The following MAST2 variants were observed in gnomAD, a reference collection of about 807,000 sequenced individuals.
The protein encoded by MAST2 is microtubule-associated serine/threonine-protein kinase 2.
In MAST2, 70 loss-of-function variants were observed where a neutral mutation model predicts 147.4. The ratio of observed to expected loss-of-function variants is 0.47; its 90% CI spans 0.39 to 0.58. The LOEUF is 0.58. Ranked by LOEUF, MAST2 falls within the 20% of genes least tolerant of loss-of-function variation. The pLI is 0.00. For missense variants in MAST2, 2,080 were observed against 2,302.3 expected (o/e 0.90, Z 1.98); for synonymous variants, 869 against 896.8 (o/e 0.97, Z 0.55).
At chr1:46,008,213 G>A (rs1645566955) in intron 8 of MAST2, 83 bp from the exon 9 acceptor site, 3 of 849,820 alleles carry the variant, frequency 3.5e-6, no homozygotes, top group South Asian at 2.9e-5. Flanking sequence ...ATGGTGGGAG[G>A]GGCAGGGTCT....
At chr1:45,811,528 ACGGGGT>A (rs1306664991) in intron 1 of MAST2, among the ~76,000 whole-genome samples, 1 of 148,944 alleles carries the variant, frequency 6.7e-6, no homozygotes, top group African/African-American at 2.5e-5. Flanking sequence ...TTTAGTAGAG[ACGGGGT>A]TTCACTATGT....
intron 3 of MAST2, among the ~76,000 whole-genome samples, chr1:45,851,151 T>C (rs1453389109): frequency 6.6e-6 from 1 of 152,176 alleles, no homozygotes; most frequent in Non-Finnish European, 1.5e-5. Flanking sequence ...TTAGCAGTGT[T>C]TGTAGTTCTC....
intron 3 of MAST2, among the ~76,000 whole-genome samples, chr1:45,854,903 T>C (rs1436650142): frequency 6.6e-6 from 1 of 152,136 alleles, no homozygotes; most frequent in Non-Finnish European, 1.5e-5. Flanking sequence ...CAGCTATAAA[T>C]TGGATACAGA....
At chr1:45,976,269 A>C (rs987186583) in intron 5 of MAST2, among the ~76,000 whole-genome samples, 1 of 151,702 alleles carries the variant, frequency 6.6e-6, no homozygotes, top group Non-Finnish European at 1.5e-5. Context: ...GAGCCACCAC[A>C]CCCGGGGAAA....
intron 1 of MAST2, among the ~76,000 whole-genome samples, chr1:45,813,456 A>C (rs530623505): frequency 2.8e-4 from 43 of 151,000 alleles, no homozygotes; most frequent in African/African-American, 1.0e-3. Context: ...CAGCCTCCCA[A>C]GTAACTAGGA....
At chr1:46,029,669 C>A in intron 19 of MAST2, 102 bp downstream of exon 19, 1 of 1,378,090 alleles carries the variant, frequency 7.3e-7, no homozygotes. Flanking sequence ...GGCAGCCCCT[C>A]TGGATCCTGA....
At chr1:45,922,335 TC>T (rs1230262831) in intron 4 of MAST2, among the ~76,000 whole-genome samples, 1 of 152,218 alleles carries the variant, frequency 6.6e-6, no homozygotes, top group African/African-American at 2.4e-5. Context: ...GACCAGCTTC[TC>T]TCCACCCAGG....
intron 6 of MAST2, among the ~76,000 whole-genome samples, chr1:46,001,746 C>T (rs776297024): frequency 3.9e-5 from 6 of 152,148 alleles, no homozygotes; most frequent in Non-Finnish European, 8.8e-5. Context: ...GGGAGGAGTG[C>T]TTCGAAGGGA....
chr1:46,016,047 G>A (rs1371723816), intron 10 of MAST2, among the ~76,000 whole-genome samples: 1 of 151,842 alleles, frequency 6.6e-6, no homozygotes, highest in African/African-American at 2.4e-5. Context: ...ATGTAATCCA[G>A]CATATAAACA....
At chr1:45,872,307 G>A (rs1213281711) in intron 3 of MAST2, among the ~76,000 whole-genome samples, 1 of 152,214 alleles carries the variant, frequency 6.6e-6, no homozygotes, top group Non-Finnish European at 1.5e-5. Context: ...AAAGGACAAG[G>A]ACCAGCCTTG....
chr1:45,992,029 G>A (rs767357041), intron 5 of MAST2, among the ~76,000 whole-genome samples: 2 of 152,038 alleles, frequency 1.3e-5, no homozygotes, highest in South Asian at 2.1e-4. Flanking sequence ...GCACCCAGTC[G>A]TCTTTTCTTG....
At chr1:45,946,247 C>T (rs553743582) in intron 4 of MAST2, among the ~76,000 whole-genome samples, 6 of 152,126 alleles carry the variant, frequency 3.9e-5, no homozygotes, top group African/African-American at 1.4e-4. Flanking sequence ...ATGTCAACTG[C>T]AAATAATCAA....
chr1:45,851,768 T>G (rs746809623), intron 3 of MAST2, among the ~76,000 whole-genome samples: 5 of 152,020 alleles, frequency 3.3e-5, no homozygotes, highest in Non-Finnish European at 7.4e-5. Context: ...TCAGCCCTAC[T>G]TGAAATGAAT....
chr1:45,931,311 C>T (rs1655248587), intron 4 of MAST2, among the ~76,000 whole-genome samples: 1 of 151,348 alleles, frequency 6.6e-6, no homozygotes, highest in South Asian at 2.1e-4. Context: ...TCTGTTATTT[C>T]CTCAGGATTA....
chr1:46,027,439 TC>T (rs1178390380), intron 16 of MAST2, among the ~76,000 whole-genome samples: 1 of 152,172 alleles, frequency 6.6e-6, no homozygotes, highest in Non-Finnish European at 1.5e-5. Context: ...GAAACTCTGT[TC>T]CTCAACTGAA....
Position 45,893,471 on chromosome 1 carries a change from G to T in MAST2, c.500+11076G>T, listed in dbSNP as rs533217605. On this transcript the variant is annotated intron_variant, in intron 4 of 28. Coordinates refer to ENST00000361297, the MANE Select transcript of MAST2 (RefSeq NM_015112.3). ...CCCTAGGCTGGTCTCTAACTCCTGG[G>T]CTCAAGTGATCCTTCTGCCTCAGCC... Among the ~76,000 whole-genome samples the T allele has an allele frequency of 4.6e-4, 70 of 151,896 alleles. 1 individual carries two copies. In the South Asian group the frequency reaches 0.014, roughly 30 times the overall value.
intron 11 of MAST2, 95 bp downstream of exon 11, chr1:46,019,792 C>A: frequency 9.6e-7 from 1 of 1,045,438 alleles, no homozygotes; most frequent in African/African-American, 1.6e-5. Context: ...GTAACCACTG[C>A]CATTTCTGTT....
intron 3 of MAST2, among the ~76,000 whole-genome samples, chr1:45,842,553 T>C (rs2147920408): frequency 6.6e-6 from 1 of 152,368 alleles, no homozygotes; most frequent in Admixed American, 6.5e-5. Flanking sequence ...ATATTATACA[T>C]ATGTGACCTT....
intron 4 of MAST2, among the ~76,000 whole-genome samples, chr1:45,903,845 A>T (rs1427869856): frequency 1.3e-5 from 2 of 152,244 alleles, no homozygotes; most frequent in Non-Finnish European, 2.9e-5. Context: ...AGAGACCCTA[A>T]GCAAGGACCC....
Sources: gnomAD v4.1 joint callset for allele counts (sites outside exome capture counted in the v4.1 genomes callset) on GRCh38, gnomAD v4.1.1 for gene constraint, MANE v1.5 for transcripts, NCBI Gene and HGNC (gene_info 2026-07-23, HGNC 2026-07-21) for gene names.